The following BCAS3 variants were observed in gnomAD, a reference collection of about 807,000 sequenced individuals.
The protein encoded by BCAS3 is BCAS3 microtubule associated cell migration factor.
In BCAS3, 53 loss-of-function variants were observed where a neutral mutation model predicts 116.1. That is an observed-to-expected ratio of 0.46 (90% confidence interval 0.37 to 0.57). The LOEUF is 0.57. Among genes scored for constraint, BCAS3 ranks in the 20% least tolerant of loss-of-function variants. The probability of loss-of-function intolerance (pLI) is 0.00; values close to 1 mark genes in which losing one functional copy is unlikely to be tolerated. For missense variants in BCAS3, 917 were observed against 1,165.4 expected, an observed-to-expected ratio of 0.79 and a Z score of 3.10; for synonymous variants, 391 against 408.2, an observed-to-expected ratio of 0.96 and a Z score of 0.51.
At chr17:61,153,436 A>G (rs757124459) in intron 22 of BCAS3, among the ~76,000 whole-genome samples, 1 of 152,124 alleles carries the variant, frequency 6.6e-6, no homozygotes, top group African/African-American at 2.4e-5. Flanking sequence ...TATTTTAATA[A>G]TTGTTTTTAC....
At chr17:61,108,811 T>G (rs137910317) in intron 22 of BCAS3, among the ~76,000 whole-genome samples, 1 of 152,300 alleles carries the variant, frequency 6.6e-6, no homozygotes, top group Non-Finnish European at 1.5e-5. Flanking sequence ...TTCTTATGCC[T>G]TGGCGTCCTC....
At chr17:60,958,836 CAT>C (rs1470658428) in intron 14 of BCAS3, among the ~76,000 whole-genome samples, 2 of 152,338 alleles carry the variant, frequency 1.3e-5, no homozygotes, top group Non-Finnish European at 2.9e-5. Context: ...CATTCCCACA[CAT>C]GTGGAGACAA....
intron 6 of BCAS3, among the ~76,000 whole-genome samples, chr17:60,782,615 C>T (rs1166792465): frequency 2.0e-5 from 3 of 149,594 alleles, no homozygotes; most frequent in Non-Finnish European, 4.4e-5. Context: ...GAGATGGAGT[C>T]TTGCTCTGTC....
intron 22 of BCAS3, among the ~76,000 whole-genome samples, chr17:61,301,419 GT>G (rs1263400879): frequency 1.3e-5 from 2 of 152,180 alleles, no homozygotes; most frequent in Admixed American, 1.3e-4. Flanking sequence ...GGATCACGAG[GT>G]CAGGAGTTCG....
At position 61,004,486 on chromosome 17, in the gene BCAS3, T is replaced by C. The variant is rs1440059274; in HGVS notation, c.1487-11265T>C. Among the ~76,000 whole-genome samples, 1 of 151,974 alleles carries C rather than the reference T, an allele frequency of 6.6e-6. No homozygotes were observed. Among genetic ancestry groups the C allele is most frequent in the Admixed American group, 6.6e-5 (1 of 15,244 alleles). On this transcript the variant is annotated intron_variant, in intron 15 of 23. Transcript: ENST00000407086. This position sits in a 1 kb window ranked among gnomAD's most constrained non-coding sequence, Gnocchi z 4.8. Reference sequence around the variant, plus strand: ...CCCATATGAACAGATTTAGAAATTATCAGACTTGAGAATAACAGACATGAA... The same window carrying C: ...CCCATATGAACAGATTTAGAAATTACCAGACTTGAGAATAACAGACATGAA...
At chr17:60,724,208 GA>G (rs1568105779) in intron 5 of BCAS3, among the ~76,000 whole-genome samples, 1 of 151,378 alleles carries the variant, frequency 6.6e-6, no homozygotes, top group African/African-American at 2.4e-5. Flanking sequence ...CGGGCCCCTT[GA>G]GGTCAGGAGT....
chr17:60,937,476 G>A (rs899197006), intron 13 of BCAS3, among the ~76,000 whole-genome samples: 1 of 151,948 alleles, frequency 6.6e-6, no homozygotes, highest in African/African-American at 2.4e-5. Context: ...CGTAATATAA[G>A]TTGCACCAAT....
Position 61,084,486 on chromosome 17 carries a change from G to C in BCAS3, c.2347G>C (p.Asp783His). ...TTGCAGGATCCAGCCAGTCCGCTCT[G>C]ACCCCGTCAGCATGCCAGGGTCATC... The part of the protein sequence containing the change: ...NSLRIQPVRS[D>H]PVSMPGSSRP... The change falls in exon 22 of 24, where the codon GAC (aspartate) becomes CAC (histidine). Residue 783 changes from aspartate to histidine, a missense_variant. Physicochemically the swap from Asp to His is moderately conservative, Grantham distance 81. Transcript: ENST00000407086. The surrounding 1 kb of genome is among the most constrained non-coding windows in gnomAD (Gnocchi z 5.5). 1 of 1,613,984 alleles carries C rather than the reference G, an allele frequency of 6.2e-7. No homozygotes were observed.
At chr17:60,917,422 G>C (rs2058829715) in intron 12 of BCAS3, among the ~76,000 whole-genome samples, 1 of 152,066 alleles carries the variant, frequency 6.6e-6, no homozygotes, top group Non-Finnish European at 1.5e-5. Context: ...TCATCCTTTT[G>C]TGTCTGGTTT....
Position 61,102,539 on chromosome 17 carries a change from A to G in BCAS3, c.2425+17975A>G, listed in dbSNP as rs138038840. Among the ~76,000 whole-genome samples, 40 of 152,182 alleles carry G rather than the reference A, an allele frequency of 2.6e-4. 1 individual carries two copies. Among genetic ancestry groups the G allele is most frequent in the Non-Finnish European group, 4.7e-4 (32 of 67,968 alleles). ...TTAGAGAAATTAAGTACTGTATACT[A>G]CCTCCCAACTTTGGCAGTGTCATCT... On this transcript the variant is annotated intron_variant, in intron 22 of 23. Coordinates refer to ENST00000407086, the MANE Select transcript of BCAS3 (RefSeq NM_017679.5).
At chr17:61,158,047 T>C (rs2077963272) in intron 22 of BCAS3, among the ~76,000 whole-genome samples, 1 of 152,188 alleles carries the variant, frequency 6.6e-6, no homozygotes, top group Non-Finnish European at 1.5e-5. Context: ...TATATGCAAC[T>C]CTTTTTTTTA....
intron 7 of BCAS3, among the ~76,000 whole-genome samples, chr17:60,820,826 G>A (rs2049898801): frequency 6.6e-6 from 1 of 152,154 alleles, no homozygotes; most frequent in South Asian, 2.1e-4. Flanking sequence ...GTTAAACTGA[G>A]CCATGAAAAA....
rs914572208 is a variant in BCAS3 at position 61,023,663 on chromosome 17, T to A, written c.1637+7762T>A. On this transcript the variant is annotated intron_variant, in intron 16 of 23. Coordinates refer to ENST00000407086, the MANE Select transcript of BCAS3 (RefSeq NM_017679.5). The surrounding 1 kb of genome is among the most constrained non-coding windows in gnomAD (Gnocchi z 4.8). The stretch of plus-strand genomic sequence containing the variant: ...AACAAAATGAATCAGTTGAATGACT[T>A]ACATAGTGTTATGGTATGTTATAAA... 4.6e-5 allele frequency among the ~76,000 whole-genome samples: 7 copies of A among 152,172 alleles called. No homozygotes were observed. The highest frequency in any genetic ancestry group is 7.4e-5 in the Non-Finnish European group (5 of 68,004).
At position 61,021,498 on chromosome 17, in the gene BCAS3, C is replaced by T. The variant is rs2065872356; in HGVS notation, c.1637+5597C>T. The stretch of plus-strand genomic sequence containing the variant: ...GCCCTGGCTTCTTCTCATCTGGGTT[C>T]TGCACCTATTTGCCAGTGTGTCCTA... On this transcript the variant is annotated intron_variant, in intron 16 of 23. Transcript: ENST00000407086. This position sits in a 1 kb window ranked among gnomAD's most constrained non-coding sequence, Gnocchi z 4.6. 6.6e-6 allele frequency among the ~76,000 whole-genome samples: 1 copy of T among 152,022 alleles called. No homozygotes were observed. Among genetic ancestry groups the T allele is most frequent in the African/African-American group, 2.4e-5 (1 of 41,374 alleles).
chr17:60,974,983 T>TTTTTTTTGC (rs2062211452), intron 14 of BCAS3, among the ~76,000 whole-genome samples: 1 of 137,798 alleles, frequency 7.3e-6, no homozygotes, highest in Non-Finnish European at 1.5e-5. Context: ...GTTTTTTTTG[T>TTTTTTTTGC]TTTTTTTGCT....
At chr17:61,177,499 T>C (rs1304111757) in intron 22 of BCAS3, among the ~76,000 whole-genome samples, 1 of 152,198 alleles carries the variant, frequency 6.6e-6, no homozygotes, top group Non-Finnish European at 1.5e-5. Context: ...GGATGCTAAC[T>C]AATCTGTGGT....
chr17:61,236,182 C>G (rs1260222295), intron 22 of BCAS3, among the ~76,000 whole-genome samples: 1 of 152,230 alleles, frequency 6.6e-6, no homozygotes, highest in African/African-American at 2.4e-5. Context: ...CTGGCAACAT[C>G]TGTCCCCACT....
In BCAS3 at chr17:61,189,403, A is replaced by G. The variant is rs2079969440; in HGVS notation, c.2425+104839A>G. Among the ~76,000 whole-genome samples the G allele has an allele frequency of 6.6e-6, 1 of 152,232 alleles. No individual in the cohort carries two copies. Among genetic ancestry groups the G allele is most frequent in the African/African-American group, 2.4e-5 (1 of 41,460 alleles). On this transcript the variant is annotated intron_variant, in intron 22 of 23. Transcript: ENST00000407086. The surrounding 1 kb of genome is among the most constrained non-coding windows in gnomAD (Gnocchi z 4.5). ...AAGTCATAAGATATTAATCCAGAGC[A>G]GTGTGTATTTTAGTTAAGGAACTTG... is the stretch of plus-strand genomic sequence containing the variant.
intron 7 of BCAS3, among the ~76,000 whole-genome samples, chr17:60,865,111 G>A (rs754303149): frequency 1.3e-5 from 2 of 152,092 alleles, no homozygotes; most frequent in Non-Finnish European, 2.9e-5. Context: ...AAATGTGATG[G>A]AGAGACACTA....
Sources: gnomAD v4.1 joint callset for allele counts (sites outside exome capture counted in the v4.1 genomes callset) on GRCh38, gnomAD v4.1.1 for gene constraint, Gnocchi (gnomAD v3.1) non-coding constraint, MANE v1.5 for transcripts, NCBI Gene and HGNC (gene_info 2026-07-23, HGNC 2026-07-21) for gene names.